SMAD2: variants seen among roughly 807,000 people sequenced by gnomAD.
SMAD2 encodes the protein SMAD family member 2, also known as MAD homolog 2.
Under a neutral mutation model 64.4 loss-of-function variants are expected in SMAD2, and 8 were observed. The observed-to-expected ratio is 0.12, with a 90% CI of 0.07 to 0.22. The LOEUF (loss-of-function observed/expected upper bound fraction) is 0.22, where lower values mean the gene tolerates loss of function less well. Among genes scored for constraint, SMAD2 ranks in the 10% least tolerant of loss-of-function variants. SMAD2 has a pLI of 1.00. For missense variants in SMAD2, 289 were observed against 561.2 expected (o/e 0.51, Z 4.90); for synonymous variants, 203 against 195.8 (o/e 1.04, Z -0.31).
In SMAD2 at chr18:47,832,134, G is replaced by C. The variant is rs1447760664; in HGVS notation, c.*9693C>G. 1 of 152,186 alleles carries C rather than the reference G, an allele frequency of 6.6e-6. No individual in the cohort carries two copies. The highest frequency in any genetic ancestry group is 1.5e-5 in the Non-Finnish European group (1 of 68,030). The allele number at this position is 152,186 out of a possible 1,614,324, so 9.4% of individuals were successfully genotyped here. A position where few individuals can be genotyped will look rare whatever the true frequency, so the allele number is the denominator to read the frequency against. On this transcript the variant is annotated 3_prime_UTR_variant, in exon 11 of 11. Transcript: ENST00000262160. ...AAAAACAGAATATGCCAAGTGGGGA[G>C]ACAGCCCAAACATAGACCTTAATAC...
Position 47,845,495 on chromosome 18 carries a change from A to C in SMAD2, c.1136-11T>G. On this transcript the variant is annotated splice_polypyrimidine_tract_variant and intron_variant, in intron 9 of 10. Transcript: ENST00000262160. ...TCTTCAGATTACAGCCTATGATTAA[A>C]AAAGGTAAAAGAAATTGTCAAAAGA... 6.2e-7 allele frequency: 1 copy of C among 1,612,210 alleles called. No individual in the cohort carries two copies. Among genetic ancestry groups the C allele is most frequent in the Non-Finnish European group, 8.5e-7 (1 of 1,178,316 alleles).
intron 1 of SMAD2, among the ~76,000 whole-genome samples, chr18:47,926,491 G>A (rs901989403): frequency 1.3e-4 from 20 of 152,008 alleles, no homozygotes; most frequent in Admixed American, 1.2e-3. Flanking sequence ...GAGACACTAG[G>A]CTAACATCCT....
chr18:47,909,619 C>T (rs7243502), intron 1 of SMAD2, among the ~76,000 whole-genome samples: 2 of 151,914 alleles, frequency 1.3e-5, no homozygotes, highest in East Asian at 1.9e-4. Flanking sequence ...TTATGATCAG[C>T]ACTGCCCTTC....
In SMAD2 at chr18:47,825,223, ATAC is replaced by A. The variant is rs1218337238; in HGVS notation, c.*16601_*16603del. On this transcript the variant is annotated 3_prime_UTR_variant, in exon 11 of 11. Coordinates refer to ENST00000262160, the MANE Select transcript of SMAD2 (RefSeq NM_005901.6). ...AAGTTACCTGAACATTTGGGTAGAA[ATAC>A]TGAGCACTGCTATGGTCTGTCTCCC... is the stretch of plus-strand genomic sequence containing the variant. 3 of 152,220 alleles carry A rather than the reference ATAC, an allele frequency of 2.0e-5. No individual in the cohort carries two copies. The highest frequency in any genetic ancestry group is 4.4e-5 in the Non-Finnish European group (3 of 68,044). 9.4% of individuals were successfully genotyped at this position (152,220 alleles called of 1,614,324 possible).
Position 47,812,657 on chromosome 18 carries a change from T to A in SMAD2, c.*29170A>T, listed in dbSNP as rs1233834823. On this transcript the variant is annotated 3_prime_UTR_variant, in exon 11 of 11. Transcript: ENST00000262160. Reference sequence around the variant, plus strand: ...AACATGTAGGGATTACAATTCAAGATGAGATTTGGGTGGGGATGGAGACCC... The same window carrying A: ...AACATGTAGGGATTACAATTCAAGAAGAGATTTGGGTGGGGATGGAGACCC... 1 of 152,176 alleles carries A rather than the reference T, an allele frequency of 6.6e-6. No homozygotes were observed. The highest frequency in any genetic ancestry group is 1.5e-5 in the Non-Finnish European group (1 of 68,036). The allele number at this position is 152,176 out of a possible 1,614,324, so 9.4% of individuals were successfully genotyped here. A position where few individuals can be genotyped will look rare whatever the true frequency, so the allele number is the denominator to read the frequency against.
At position 47,831,918 on chromosome 18, in the gene SMAD2, A is replaced by AGTGT. The variant is rs1913011881; in HGVS notation, c.*9908_*9909insACAC. 1 of 93,990 alleles carries AGTGT rather than the reference A, an allele frequency of 1.1e-5. No individual in the cohort carries two copies. The highest frequency in any genetic ancestry group is 4.0e-5 in the African/African-American group (1 of 25,220). 5.8% of individuals were successfully genotyped at this position (93,990 alleles called of 1,614,324 possible). A position where few individuals can be genotyped will look rare whatever the true frequency, so the allele number is the denominator to read the frequency against. On this transcript the variant is annotated 3_prime_UTR_variant, in exon 11 of 11. Transcript: ENST00000262160. ...AACTTATAATTTTTAGGTTGGGCTT[A>AGTGT]CTATTTTGATGAGAAGGGTGAATCT...
rs568616478 is a variant in SMAD2, at chr18:47,824,405, C to T, written c.*17422G>A. The T allele has an allele frequency of 4.1e-4, 62 of 152,346 alleles. No individual in the cohort carries two copies. Among genetic ancestry groups the T allele is most frequent in the African/African-American group, 1.4e-3 (60 of 41,582 alleles). 9.4% of individuals were successfully genotyped at this position (152,346 alleles called of 1,614,324 possible). ...TGTCCAAACCCGAACTGGCAGCATC[C>T]TTGTTATTAATCCTTGTAGCCAAGA... On this transcript the variant is annotated 3_prime_UTR_variant, in exon 11 of 11. Coordinates refer to ENST00000262160, the MANE Select transcript of SMAD2 (RefSeq NM_005901.6).
At chr18:47,908,344 G>C (rs1236818547) in intron 1 of SMAD2, among the ~76,000 whole-genome samples, 1 of 152,080 alleles carries the variant, frequency 6.6e-6, no homozygotes, top group Non-Finnish European at 1.5e-5. Context: ...TTGACCCGTG[G>C]ACAACATGGG....
chr18:47,895,224 C>G (rs1019843407), intron 2 of SMAD2: 5 of 152,248 alleles, frequency 3.3e-5, no homozygotes, highest in African/African-American at 4.8e-5. Context: ...TGTCCTCCAT[C>G]TACACTGGGC....
chr18:47,874,293 C>A (rs192426135), intron 2 of SMAD2, among the ~76,000 whole-genome samples: 1 of 152,068 alleles, frequency 6.6e-6, no homozygotes, highest in Non-Finnish European at 1.5e-5. Context: ...ATATTCTGAT[C>A]AAGAGAAGCT....
intron 5 of SMAD2, among the ~76,000 whole-genome samples, chr18:47,867,836 G>A (rs1382454943): frequency 6.6e-6 from 1 of 152,030 alleles, no homozygotes; most frequent in Non-Finnish European, 1.5e-5. Flanking sequence ...TGACGTTCGT[G>A]TTATAATATG....
chr18:47,815,834 A>G lies in SMAD2; in HGVS notation c.*25993T>C, dbSNP rs1407428313. 6.6e-6 allele frequency: 1 copy of G among 152,262 alleles called. No individual in the cohort carries two copies. Among genetic ancestry groups the G allele is most frequent in the Non-Finnish European group, 1.5e-5 (1 of 68,074 alleles). 9.4% of individuals were successfully genotyped at this position (152,262 alleles called of 1,614,324 possible). Reference sequence around the variant, plus strand: ...TCTTAACAGAGGATTTACTGAGCCCATGTATGCTGTAGGAAAAAGCTAGTG... The same window carrying G: ...TCTTAACAGAGGATTTACTGAGCCCGTGTATGCTGTAGGAAAAAGCTAGTG... On this transcript the variant is annotated 3_prime_UTR_variant, in exon 11 of 11. Coordinates refer to ENST00000262160, the MANE Select transcript of SMAD2 (RefSeq NM_005901.6).
intron 7 of SMAD2, among the ~76,000 whole-genome samples, chr18:47,849,313 G>A (rs186750575): frequency 0.011 from 1,640 of 151,998 alleles, 16 homozygotes; most frequent in Non-Finnish European, 0.018. Context: ...TATTTCACTG[G>A]AAAACTATAT....
At chr18:47,872,663 G>A (rs934224602) in intron 2 of SMAD2, among the ~76,000 whole-genome samples, 1 of 152,116 alleles carries the variant, frequency 6.6e-6, no homozygotes, top group Non-Finnish European at 1.5e-5. Context: ...AGTGGCATTA[G>A]ATTCTCATAG....
chr18:47,876,596 C>T (rs1209128251), intron 2 of SMAD2, among the ~76,000 whole-genome samples: 1 of 151,968 alleles, frequency 6.6e-6, no homozygotes, highest in Admixed American at 6.6e-5. Flanking sequence ...TAGCAACTAC[C>T]TTTGTTGGCA....
rs2031855342 is a variant in SMAD2, at chr18:47,870,305, C to T, written c.326+170G>A. On this transcript the variant is annotated intron_variant, in intron 3 of 10. Coordinates refer to ENST00000262160, the MANE Select transcript of SMAD2 (RefSeq NM_005901.6). The stretch of plus-strand genomic sequence containing the variant: ...GCATTGATTAAAACATCAGCTGAAA[C>T]ATTTAATATATTTTTTATACTGGCA... Among the ~76,000 whole-genome samples the T allele has an allele frequency of 2.0e-5, 3 of 152,164 alleles. No individual in the cohort carries two copies. In the South Asian group the frequency reaches 6.2e-4, roughly 32 times the overall value.
chr18:47,854,135 T>C (rs1029746924), intron 6 of SMAD2, among the ~76,000 whole-genome samples: 4 of 151,932 alleles, frequency 2.6e-5, no homozygotes, highest in African/African-American at 9.7e-5. Flanking sequence ...AGCCTATGAA[T>C]TATTCATACA....
chr18:47,887,612 G>A (rs1462002853), intron 2 of SMAD2, among the ~76,000 whole-genome samples: 3 of 152,136 alleles, frequency 2.0e-5, no homozygotes, highest in Non-Finnish European at 4.4e-5. Context: ...TCTTACTAAC[G>A]TCTACTTTGT....
At chr18:47,910,389 T>C (rs999159735) in intron 1 of SMAD2, among the ~76,000 whole-genome samples, 31 of 151,990 alleles carry the variant, frequency 2.0e-4, no homozygotes, top group Non-Finnish European at 2.2e-4. Flanking sequence ...ATATATAATA[T>C]AGGGTTCTAA....
Sources: gnomAD v4.1 joint callset for allele counts (sites outside exome capture counted in the v4.1 genomes callset) on GRCh38, gnomAD v4.1.1 for gene constraint, MANE v1.5 for transcripts, NCBI Gene and HGNC (gene_info 2026-07-23, HGNC 2026-07-21) for gene names.